The following ASTN2 variants were observed in gnomAD, a reference collection of about 807,000 sequenced individuals.
ASTN2 encodes the protein astrotactin-2.
In ASTN2, 54 loss-of-function variants were observed where a neutral mutation model predicts 139.8. The observed-to-expected ratio is 0.39, with a 90% CI of 0.31 to 0.48. The LOEUF is 0.48. Among genes scored for constraint, ASTN2 ranks in the 20% least tolerant of loss-of-function variants. ASTN2 has a pLI of 0.95. For missense variants in ASTN2, 1,565 were observed against 1,725.1 expected, an observed-to-expected ratio of 0.91 and a Z score of 1.64; for synonymous variants, 756 against 719.5, an observed-to-expected ratio of 1.05 and a Z score of -0.81.
At chr9:117,384,836 T>A (rs1830356245) in intron 1 of ASTN2, among the ~76,000 whole-genome samples, 1 of 152,166 alleles carries the variant, frequency 6.6e-6, no homozygotes, top group South Asian at 2.1e-4. Context: ...GGTGAATGGA[T>A]GTTGGATGAA....
At chr9:116,772,242 G>A (rs558685991) in intron 13 of ASTN2, among the ~76,000 whole-genome samples, 2 of 152,250 alleles carry the variant, frequency 1.3e-5, no homozygotes, top group South Asian at 2.1e-4. Flanking sequence ...CGGGAGGGAC[G>A]TGGTGGGAGG....
In ASTN2 at chr9:116,971,314, C is replaced by T. The variant is rs143263041; in HGVS notation, c.1889+3894G>A. Among the ~76,000 whole-genome samples the T allele has an allele frequency of 1.6e-3, 238 of 152,284 alleles. 2 individuals are homozygous for T. Among genetic ancestry groups the T allele is most frequent in the African/African-American group, 5.1e-3 (214 of 41,556 alleles). ...GGGAGAGTTTTATTTTGCCCTTCAA[C>T]CCCTCACACTTGAAAGCCTTACCCC... On this transcript the variant is annotated intron_variant, in intron 10 of 22. Coordinates refer to ENST00000313400, the MANE Select transcript of ASTN2 (RefSeq NM_001365068.1).
chr9:116,871,051 G>A (rs1484205907), intron 10 of ASTN2, among the ~76,000 whole-genome samples: 1 of 152,120 alleles, frequency 6.6e-6, no homozygotes, highest in Non-Finnish European at 1.5e-5. Context: ...GAGGCCAGGA[G>A]ATCGAGACCA....
At chr9:116,842,842 G>C (rs1832305266) in intron 11 of ASTN2, among the ~76,000 whole-genome samples, 1 of 151,978 alleles carries the variant, frequency 6.6e-6, no homozygotes, top group Admixed American at 6.5e-5. Context: ...TGAGACTTCA[G>C]AGTGGAGGAG....
At chr9:116,829,297 A>G (rs1831734563) in intron 11 of ASTN2, among the ~76,000 whole-genome samples, 1 of 150,812 alleles carries the variant, frequency 6.6e-6, no homozygotes, top group Admixed American at 6.7e-5. Context: ...TGGTATTGGT[A>G]TAAAAATAGG....
intron 2 of ASTN2, among the ~76,000 whole-genome samples, chr9:117,273,250 A>T (rs1190550617): frequency 6.6e-6 from 1 of 152,208 alleles, no homozygotes; most frequent in African/African-American, 2.4e-5. Context: ...CATGAGAAAG[A>T]TCAACCCCCA....
intron 3 of ASTN2, among the ~76,000 whole-genome samples, chr9:117,179,450 C>T (rs1373628015): frequency 6.6e-6 from 1 of 151,976 alleles, no homozygotes; most frequent in Non-Finnish European, 1.5e-5. Context: ...GAACCAGTCT[C>T]CAAGAGGTAA....
chr9:117,045,978 A>ACG (rs773246452), intron 5 of ASTN2, among the ~76,000 whole-genome samples: 30,164 of 133,930 alleles, frequency 0.23, 4,095 homozygotes, highest in Middle Eastern at 0.34. Context: ...GTATGTATGT[A>ACG]TGTACGTACG....
At chr9:117,322,860 T>C (rs1828377783) in intron 1 of ASTN2, among the ~76,000 whole-genome samples, 1 of 152,116 alleles carries the variant, frequency 6.6e-6, no homozygotes, top group South Asian at 2.1e-4. Flanking sequence ...AGCAGAGGAC[T>C]ATGGGCATTT....
chr9:116,636,686 AAAAG>A (rs1330455276), intron 17 of ASTN2, among the ~76,000 whole-genome samples: 1 of 152,018 alleles, frequency 6.6e-6, no homozygotes, highest in Non-Finnish European at 1.5e-5. Flanking sequence ...AAAGAAAAAA[AAAAG>A]AAAGAAAGAA....
chr9:117,142,884 G>C (rs1210727424), intron 3 of ASTN2, among the ~76,000 whole-genome samples: 1 of 152,150 alleles, frequency 6.6e-6, no homozygotes, highest in Non-Finnish European at 1.5e-5. Context: ...CAGAGGCTGG[G>C]AAATTTCTTC....
chr9:117,236,585 G>A (rs1227552774), intron 2 of ASTN2, among the ~76,000 whole-genome samples: 1 of 152,158 alleles, frequency 6.6e-6, no homozygotes, highest in Non-Finnish European at 1.5e-5. Context: ...CGGTGTTTCT[G>A]CTCTCAAGCG....
intron 13 of ASTN2, among the ~76,000 whole-genome samples, chr9:116,771,907 G>C (rs1412700182): frequency 6.6e-6 from 1 of 152,148 alleles, no homozygotes; most frequent in Non-Finnish European, 1.5e-5. Flanking sequence ...TACATGGAGG[G>C]ATGAGGACTC....
At chr9:117,349,605 C>T (rs1472133264) in intron 1 of ASTN2, among the ~76,000 whole-genome samples, 6 of 152,126 alleles carry the variant, frequency 3.9e-5, no homozygotes, top group Non-Finnish European at 7.4e-5. Context: ...GATGGTTATT[C>T]CTTCCTCCAG....
rs747679353 is a variant in ASTN2, at chr9:117,214,548, G to A, written c.825C>T (p.Thr275=). Residue 275 remains threonine (T), a synonymous_variant, in exon 3 of 23, where the codon ACC becomes ACT. Coordinates refer to ENST00000313400, the MANE Select transcript of ASTN2 (RefSeq NM_001365068.1). ...TGGGCACGCCAATGACGGAATTGTG[G>A]GTTTGCAGCCGGGATGAACGGAAGC... ...RESFRSSRLQ[T]HNSVIGVPIR... is the part of the protein sequence containing the mutation. The A allele has an allele frequency of 6.2e-7, 1 of 1,613,372 alleles. No homozygotes were observed. Among genetic ancestry groups the A allele is most frequent in the Non-Finnish European group, 8.5e-7 (1 of 1,179,310 alleles).
intron 2 of ASTN2, among the ~76,000 whole-genome samples, chr9:117,276,092 T>C (rs1240377738): frequency 6.6e-6 from 1 of 152,210 alleles, no homozygotes; most frequent in East Asian, 1.9e-4. Flanking sequence ...TTAATGTTAG[T>C]TGGTCAAGAG....
rs1443414680 is a variant in ASTN2 at position 117,210,527 on chromosome 9, CAGA to C, written c.1015+3828_1015+3830del. Among the ~76,000 whole-genome samples, 5 of 152,210 alleles carry C rather than the reference CAGA, an allele frequency of 3.3e-5. No individual in the cohort carries two copies. The East Asian group carries it at 9.6e-4, about 29-fold the overall frequency. ...ACCACAAAGAAATGGAAAACCTTAA[CAGA>C]CCAAAACAAGTAATGAGACTGAGTC... On this transcript the variant is annotated intron_variant, in intron 3 of 22. Transcript: ENST00000313400.
chr9:116,668,192 TG>T (rs1858984066), intron 16 of ASTN2, among the ~76,000 whole-genome samples: 1 of 146,402 alleles, frequency 6.8e-6, no homozygotes, highest in African/African-American at 2.7e-5. Flanking sequence ...GATTTCAGAT[TG>T]GCTTTTTTTT....
At chr9:117,150,619 G>T (rs1001077249) in intron 3 of ASTN2, among the ~76,000 whole-genome samples, 13 of 152,146 alleles carry the variant, frequency 8.5e-5, no homozygotes. Flanking sequence ...TTAAAATGAG[G>T]CTTGCAATTC....
Sources: allele counts gnomAD v4.1 joint callset (sites outside exome capture counted in the v4.1 genomes callset), GRCh38; gene constraint gnomAD v4.1.1; transcripts MANE v1.5; gene names NCBI Gene and HGNC (gene_info 2026-07-23, HGNC 2026-07-21).